COL18A1: variants seen among roughly 807,000 people sequenced by gnomAD.
COL18A1 encodes collagen alpha-1(XVIII) chain.
Under a neutral mutation model 168.0 loss-of-function variants are expected in COL18A1, and 133 were observed. That is an observed-to-expected ratio of 0.79 (90% CI 0.69 to 0.91). COL18A1 has a LOEUF of 0.91. Ranked by LOEUF, COL18A1 falls within the 40% of genes least tolerant of loss-of-function variation. The pLI is 0.00. For synonymous variants in COL18A1, 949 were observed against 809.0 expected, an observed-to-expected ratio of 1.17 and a Z score of -2.94; for missense variants, 2,126 against 1,925.4, an observed-to-expected ratio of 1.10 and a Z score of -1.95.
rs1435154695 is a variant in COL18A1, at chr21:45,481,973, G to C, written c.1622G>C (p.Gly541Ala). The change falls in exon 14 of 42, where the codon GGC (glycine) becomes GCC (alanine). Residue 541 changes from glycine to alanine, a missense_variant. Gly to Ala is a moderately conservative substitution (Grantham distance 60, BLOSUM62 0). Transcript: ENST00000651438. ...PGFPGLPGPP[G>A]PPGREGPPGR... ...TCTGCTCTCCCCCAGGGACCCCCAGGCCCTCCGGGAAGAGAGGGGCCCCCA... is the reference window on the plus strand; with the variant it reads ...TCTGCTCTCCCCCAGGGACCCCCAGCCCCTCCGGGAAGAGAGGGGCCCCCA... 1.2e-6 allele frequency: 2 copies of C among 1,612,976 alleles called. No homozygotes were observed. The highest frequency in any genetic ancestry group is 3.3e-5 in the Admixed American group (2 of 60,020).
rs149772252 is a variant in COL18A1 at position 45,473,936 on chromosome 21, G to A, written c.693G>A (p.Val231=). Residue 231 remains valine (V), a synonymous_variant, in exon 4 of 42, where the codon GTG becomes GTA. Transcript: ENST00000651438. This position sits in a 1 kb window ranked among gnomAD's most constrained non-coding sequence, Gnocchi z 4.0. ...TGAAGGTGCGCAGGGACCCCCAGGT[G>A]AGCCCCATGCACTGCCTGGACGAGG... ...AELKVRRDPQ[V]SPMHCLDEEG... is the part of the protein sequence containing the mutation. The A allele has an allele frequency of 1.5e-3, 2,350 of 1,606,264 alleles. 3 individuals are homozygous for A. Among genetic ancestry groups the A allele is most frequent in the Non-Finnish European group, 1.8e-3 (2,170 of 1,176,594 alleles).
rs1131101 is a variant in COL18A1, at chr21:45,479,943, C to T, written c.1290C>T (p.Asp430=). 126,567 of 1,612,000 alleles carry T rather than the reference C, an allele frequency of 0.079. 7,225 individuals are homozygous for T. Among genetic ancestry groups the T allele is most frequent in the African/African-American group, 0.27 (20,514 of 74,700 alleles). The stretch of plus-strand genomic sequence containing the variant: ...AAGGCTTCCCCGGGACTCCAGGGGA[C>T]GTAGGTCCCAAGGGCGACAAGGTGA... ...GPQGFPGTPG[D]VGPKGDKGDP... Residue 430 remains aspartate, a synonymous_variant, in exon 10 of 42, where the codon GAC becomes GAT. Coordinates refer to ENST00000651438, the MANE Select transcript of COL18A1 (RefSeq NM_001379500.1).
rs777192146 is a variant in COL18A1 at position 45,482,801 on chromosome 21, G to A, written c.1681G>A (p.Ala561Thr). ...RTGQKGSLGE[A>T]GAPGHKGSKG... The stretch of plus-strand genomic sequence containing the variant: ...CCTGCTCTTTTCCGTACAGGGTGAA[G>A]CAGGCGCCCCAGGACATAAGGTACA... Residue 561 changes from alanine to threonine, a missense_variant, in exon 15 of 42, where the codon GCA becomes ACA. Physicochemically the swap from Ala to Thr is moderately conservative, Grantham distance 58 (BLOSUM62 0). Transcript: ENST00000651438. The A allele has an allele frequency of 1.9e-6, 3 of 1,614,208 alleles. No homozygotes were observed. The highest frequency in any genetic ancestry group is 1.3e-5 in the African/African-American group (1 of 75,058).
At chr21:45,489,621 T>C in intron 19 of COL18A1, 100 bp downstream of exon 19, 1 of 720,364 alleles carries the variant, frequency 1.4e-6, no homozygotes. Context: ...TTCCCCGCTC[T>C]TCCTGCCACT....
At chr21:45,469,141 C>T (rs2035321646) in intron 3 of COL18A1, among the ~76,000 whole-genome samples, 1 of 152,216 alleles carries the variant, frequency 6.6e-6, no homozygotes, top group Non-Finnish European at 1.5e-5. Flanking sequence ...ACATCCACCC[C>T]AGCCGTGACC....
chr21:45,427,343 C>T (rs1223185534), intron 2 of COL18A1, among the ~76,000 whole-genome samples: 1 of 152,152 alleles, frequency 6.6e-6, no homozygotes, highest in Non-Finnish European at 1.5e-5. Flanking sequence ...TTAAGGCTGG[C>T]ATTGAATCAG....
intron 20 of COL18A1, 122 bp downstream of exon 20, chr21:45,490,468 G>GGGTCCCTGGGCCTCCATGTGCCCTCTCA: frequency 1.2e-6 from 1 of 830,540 alleles, no homozygotes; most frequent in East Asian, 2.7e-5. Flanking sequence ...GTGCCCTCGT[G>GGGTCCCTGGGCCTCCATGTGCCCTCTCA]GGTCCCTGGG....
chr21:45,504,463 G>A lies in COL18A1; in HGVS notation c.2775G>A (p.Gly925=), dbSNP rs775685523. 4 of 1,610,696 alleles carry A rather than the reference G, an allele frequency of 2.5e-6. No homozygotes were observed. Among genetic ancestry groups the A allele is most frequent in the South Asian group, 1.1e-5 (1 of 90,970 alleles). ...RGDAGQKGER[G]EPGGGGFFGS... is the part of the protein sequence containing the mutation. ...ATGCAGGACAGAAAGGCGAAAGGGG[G>A]GAGCCCGGGGGCGGCGGTTTCTTCG... Residue 925 remains glycine (G), a synonymous_variant, in exon 34 of 42, where the codon GGG becomes GGA. Coordinates refer to ENST00000651438, the MANE Select transcript of COL18A1 (RefSeq NM_001379500.1).
chr21:45,421,311 C>T (rs773782799), intron 2 of COL18A1: 3 of 434,074 alleles, frequency 6.9e-6, no homozygotes, highest in South Asian at 5.2e-5. Flanking sequence ...GGAGGAGGGC[C>T]ACGGTCACGC....
At chr21:45,460,989 A>C (rs975983719) in intron 2 of COL18A1, among the ~76,000 whole-genome samples, 1 of 152,114 alleles carries the variant, frequency 6.6e-6, no homozygotes, top group African/African-American at 2.4e-5. Context: ...TTTTACGTAT[A>C]TTTGGGTTTT....
intron 2 of COL18A1, among the ~76,000 whole-genome samples, chr21:45,422,199 C>T (rs2033647054): frequency 6.6e-6 from 1 of 152,224 alleles, no homozygotes; most frequent in African/African-American, 2.4e-5. Flanking sequence ...CAGGCACACA[C>T]AGGCTCACTG....
chr21:45,451,135 C>G (rs2034612874), intron 2 of COL18A1, among the ~76,000 whole-genome samples: 1 of 152,232 alleles, frequency 6.6e-6, no homozygotes, highest in African/African-American at 2.4e-5. Flanking sequence ...GTCATGATAA[C>G]AAGAGTGGCT....
chr21:45,480,428 G>A (rs1179129620), intron 11 of COL18A1, 39 bp from the exon 12 acceptor site: 15 of 1,613,820 alleles, frequency 9.3e-6, no homozygotes, highest in Middle Eastern at 1.6e-4. Flanking sequence ...GCGGGGGGCC[G>A]AGCTCAGGGC....
Position 45,496,572 on chromosome 21 carries a change from A to G in COL18A1, c.2577+4A>G. On this transcript the variant is annotated splice_donor_region_variant and intron_variant, in intron 30 of 41. Transcript: ENST00000651438. The stretch of plus-strand genomic sequence containing the variant: ...GACTCCTGTTTACGACAGCAATGTA[A>G]GTCCCCAGGGCACCCACTGTCCTAC... The G allele has an allele frequency of 4.3e-6, 6 of 1,411,702 alleles. No homozygotes were observed. Among genetic ancestry groups the G allele is most frequent in the Non-Finnish European group, 6.0e-6 (6 of 998,174 alleles). The allele number at this position is 1,411,702 out of a possible 1,614,324, so 87.4% of individuals were successfully genotyped here.
At chr21:45,485,990 T>C (rs1602518745) in intron 15 of COL18A1, among the ~76,000 whole-genome samples, 1 of 152,326 alleles carries the variant, frequency 6.6e-6, no homozygotes, top group African/African-American at 2.4e-5. Context: ...AGCTTGTGGC[T>C]GCGAGGAGAG....
At chr21:45,442,373 ACT>A (rs1277287999) in intron 2 of COL18A1, among the ~76,000 whole-genome samples, 4 of 151,666 alleles carry the variant, frequency 2.6e-5, no homozygotes, top group African/African-American at 4.9e-5. Flanking sequence ...AGGGCCCCTC[ACT>A]CTCTGGCTGC....
At chr21:45,444,581 C>G (rs1030861426) in intron 2 of COL18A1, among the ~76,000 whole-genome samples, 5 of 152,100 alleles carry the variant, frequency 3.3e-5, no homozygotes, top group Admixed American at 1.3e-4. Context: ...TAAATGCCAG[C>G]TGCGAGCACC....
chr21:45,506,063 T>G (rs2037186559), intron 37 of COL18A1, 97 bp downstream of exon 37: 1 of 1,569,006 alleles, frequency 6.4e-7, no homozygotes, highest in Non-Finnish European at 8.7e-7. Flanking sequence ...CGGACAGGGA[T>G]GGGAGCAGGT....
In COL18A1 at chr21:45,473,887, G is replaced by A. The variant is rs1339723001; in HGVS notation, c.652-8G>A. Reference sequence around the variant, plus strand: ...CCGCTGGTGACCCCTTTCTCTGTCTGCATTTAGGGGGTGATCGCTGAGCTG... The same window carrying A: ...CCGCTGGTGACCCCTTTCTCTGTCTACATTTAGGGGGTGATCGCTGAGCTG... On this transcript the variant is annotated splice_polypyrimidine_tract_variant and splice_region_variant and intron_variant, in intron 3 of 41. Transcript: ENST00000651438. The surrounding 1 kb of genome is among the most constrained non-coding windows in gnomAD (Gnocchi z 4.0). The A allele has an allele frequency of 6.3e-7, 1 of 1,593,422 alleles. No individual in the cohort carries two copies. Among genetic ancestry groups the A allele is most frequent in the Non-Finnish European group, 8.5e-7 (1 of 1,170,182 alleles).
Sources: gnomAD v4.1 joint callset for allele counts (sites outside exome capture counted in the v4.1 genomes callset) on GRCh38, gnomAD v4.1.1 for gene constraint, Gnocchi (gnomAD v3.1) non-coding constraint, MANE v1.5 for transcripts, NCBI Gene and HGNC (gene_info 2026-07-23, HGNC 2026-07-21) for gene names.